PROS1: variants seen among roughly 807,000 people sequenced by gnomAD.
PROS1 encodes protein S, also known as vitamin K-dependent protein S.
In PROS1, 29 loss-of-function variants were observed where a neutral mutation model predicts 75.9. The ratio of observed to expected loss-of-function variants is 0.38; its 90% confidence interval spans 0.28 to 0.52. The LOEUF is 0.52. Ranked by LOEUF, PROS1 falls within the 20% of genes least tolerant of loss-of-function variation. The pLI is 0.83. For synonymous variants in PROS1, 245 were observed against 280.6 expected (o/e 0.87, Z 1.27); for missense variants, 680 against 810.3 (o/e 0.84, Z 1.95).
intron 3 of PROS1, among the ~76,000 whole-genome samples, chr3:93,920,225 C>T (rs1708926886): frequency 6.6e-6 from 1 of 151,836 alleles, no homozygotes; most frequent in East Asian, 1.9e-4. Context: ...TAGTGAGACC[C>T]CATCTCTAAA....
chr3:93,927,752 A>G (rs1042214064), intron 1 of PROS1, among the ~76,000 whole-genome samples: 5 of 150,810 alleles, frequency 3.3e-5, no homozygotes, highest in Non-Finnish European at 7.4e-5. Flanking sequence ...TCGTAATCCC[A>G]GCACTTTGGG....
chr3:93,911,738 A>T (rs1052870948), intron 3 of PROS1, among the ~76,000 whole-genome samples: 1 of 152,150 alleles, frequency 6.6e-6, no homozygotes, highest in Non-Finnish European at 1.5e-5. Context: ...CACTTCTTTC[A>T]TGACAGCTAG....
chr3:93,909,650 T>C (rs545195897), intron 4 of PROS1, among the ~76,000 whole-genome samples: 12 of 152,250 alleles, frequency 7.9e-5, no homozygotes, highest in African/African-American at 2.6e-4. Context: ...ACTGTACATG[T>C]TCTTCCCATC....
At chr3:93,889,250 A>AT (rs1708393368) in intron 10 of PROS1, among the ~76,000 whole-genome samples, 1 of 151,892 alleles carries the variant, frequency 6.6e-6, no homozygotes, top group African/African-American at 2.4e-5. Context: ...TGGCATATTT[A>AT]TTTTTTCATG....
Position 93,950,995 on chromosome 3 carries a change from G to A in PROS1, c.76+22679C>T, listed in dbSNP as rs192358055. ...AAACAGCATAGAGAAGAGCTTAAAT[G>A]ACCTAATGGATCAAATGAATGAAAT... is the stretch of plus-strand genomic sequence containing the variant. On this transcript the variant is annotated intron_variant, in intron 1 of 14. Transcript: ENST00000394236. Among the ~76,000 whole-genome samples, 8 of 152,306 alleles carry A rather than the reference G, an allele frequency of 5.3e-5. No homozygotes were observed. In the East Asian group the frequency reaches 1.5e-3, roughly 29 times the overall value.
Position 93,884,750 on chromosome 3 carries a change from A to G in PROS1, c.1470T>C (p.Ile490=). 6.2e-7 allele frequency: 1 copy of G among 1,613,634 alleles called. No homozygotes were observed. The highest frequency in any genetic ancestry group is 2.2e-5 in the East Asian group (1 of 44,834). The change falls in exon 12 of 15, where the codon ATT becomes ATC. Residue 490 remains isoleucine (I), a synonymous_variant. Coordinates refer to ENST00000394236, the MANE Select transcript of PROS1 (RefSeq NM_000313.4). ...TACTATAATCTATGTGAAATTGAGCAATTCCAGAACCAGGATAGTAGGAGC... is the reference window on the plus strand; with the variant it reads ...TACTATAATCTATGTGAAATTGAGCGATTCCAGAACCAGGATAGTAGGAGC... ...EKGSYYPGSG[I]AQFHIDYNNV... is the part of the protein sequence containing the mutation.
At chr3:93,929,280 C>A (rs755811911) in intron 1 of PROS1, among the ~76,000 whole-genome samples, 7 of 152,042 alleles carry the variant, frequency 4.6e-5, no homozygotes, top group Non-Finnish European at 1.0e-4. Context: ...GAGTTCAAGA[C>A]CAGCCTGGAT....
At chr3:93,950,442 C>T (rs978970728) in intron 1 of PROS1, among the ~76,000 whole-genome samples, 5 of 152,110 alleles carry the variant, frequency 3.3e-5, no homozygotes, top group Admixed American at 6.5e-5. Flanking sequence ...CAGTAGTGGC[C>T]GACTGACACC....
intron 1 of PROS1, among the ~76,000 whole-genome samples, chr3:93,941,882 C>G (rs529473669): frequency 6.6e-6 from 1 of 152,188 alleles, no homozygotes; most frequent in Non-Finnish European, 1.5e-5. Flanking sequence ...TTCCTCACAC[C>G]TGGTGCGTAT....
At chr3:93,957,953 T>G (rs1709634098) in intron 1 of PROS1, among the ~76,000 whole-genome samples, 1 of 152,074 alleles carries the variant, frequency 6.6e-6, no homozygotes, top group African/African-American at 2.4e-5. Flanking sequence ...CTGGGCACAG[T>G]GGTGCATGCC....
chr3:93,951,691 C>A (rs1358379204), intron 1 of PROS1, among the ~76,000 whole-genome samples: 1 of 152,096 alleles, frequency 6.6e-6, no homozygotes, highest in African/African-American at 2.4e-5. Context: ...CATCAGCTAA[C>A]GAGCAAAATA....
intron 1 of PROS1, chr3:93,958,597 T>C (rs1709648938): frequency 6.6e-6 from 1 of 152,250 alleles, no homozygotes; most frequent in Non-Finnish European, 1.5e-5. Context: ...TCATCTTTAA[T>C]TGAACTCCCA....
intron 1 of PROS1, chr3:93,958,746 T>C (rs1263703844): frequency 1.3e-5 from 2 of 152,366 alleles, no homozygotes; most frequent in Admixed American, 1.3e-4. Context: ...TTTTGCGTCT[T>C]CCTCATTCTC....
chr3:93,970,174 G>A (rs1709855335), intron 1 of PROS1, among the ~76,000 whole-genome samples: 1 of 152,128 alleles, frequency 6.6e-6, no homozygotes, highest in African/African-American at 2.4e-5. Flanking sequence ...TACAAAAGAG[G>A]AGGAAAATAT....
At chr3:93,915,771 C>T (rs1708837065) in intron 3 of PROS1, among the ~76,000 whole-genome samples, 1 of 152,110 alleles carries the variant, frequency 6.6e-6, no homozygotes, top group Non-Finnish European at 1.5e-5. Context: ...TCTTTTCCTG[C>T]ATGTCTTCTT....
chr3:93,948,089 C>A (rs1175916195), intron 1 of PROS1, among the ~76,000 whole-genome samples: 2 of 152,140 alleles, frequency 1.3e-5, no homozygotes, highest in African/African-American at 4.8e-5. Flanking sequence ...ACCCAGCTTA[C>A]TTAGGACTTT....
chr3:93,955,039 C>T (rs1709574373), intron 1 of PROS1, among the ~76,000 whole-genome samples: 2 of 152,172 alleles, frequency 1.3e-5, no homozygotes, highest in Non-Finnish European at 2.9e-5. Context: ...CCATCTCTCA[C>T]CAGTTAGAAT....
intron 1 of PROS1, among the ~76,000 whole-genome samples, chr3:93,941,899 T>C (rs560393390): frequency 6.6e-6 from 1 of 152,204 alleles, no homozygotes; most frequent in Non-Finnish European, 1.5e-5. Context: ...GTATGCTTTC[T>C]GCTACCCGGC....
At chr3:93,942,082 T>C (rs1262498860) in intron 1 of PROS1, among the ~76,000 whole-genome samples, 1 of 152,156 alleles carries the variant, frequency 6.6e-6, no homozygotes, top group Admixed American at 6.6e-5. Context: ...TCTTTCCTGT[T>C]CCTCACCCTG....
Sources: allele counts gnomAD v4.1 joint callset (sites outside exome capture counted in the v4.1 genomes callset), GRCh38; gene constraint gnomAD v4.1.1; transcripts MANE v1.5; gene names NCBI Gene and HGNC (gene_info 2026-07-23, HGNC 2026-07-21).